Variants in TSGA10 observed in about 807,000 individuals in gnomAD.
TSGA10 encodes the protein testis specific 10, also known as testis-specific gene 10 protein.
TSGA10 carries 43 observed loss-of-function variants against 96.6 expected under a neutral mutation model. That is an observed-to-expected ratio of 0.44 (90% CI 0.35 to 0.57). The LOEUF is 0.57. Ranked by LOEUF, TSGA10 falls within the 20% of genes least tolerant of loss-of-function variation. The pLI is 0.01. For missense variants in TSGA10, 703 were observed against 834.4 expected (o/e 0.84, Z 1.94); for synonymous variants, 229 against 269.9 (o/e 0.85, Z 1.48).
At chr2:99,106,889 CAG>C (rs1405255670) in intron 7 of TSGA10, among the ~76,000 whole-genome samples, 11 of 152,198 alleles carry the variant, frequency 7.2e-5, no homozygotes, top group Non-Finnish European at 1.3e-4. Context: ...TTTTCTCATT[CAG>C]AGACTTCATC....
intron 13 of TSGA10, 50 bp downstream of exon 13, chr2:99,072,968 T>C: frequency 7.7e-7 from 1 of 1,299,358 alleles, no homozygotes; most frequent in Non-Finnish European, 1.1e-6. Context: ...CCTAACATGG[T>C]ACTTGGCCCC....
At chr2:99,112,785 G>A (rs1296646212) in intron 4 of TSGA10, among the ~76,000 whole-genome samples, 1 of 150,120 alleles carries the variant, frequency 6.7e-6, no homozygotes. Flanking sequence ...GGGAGTGTGT[G>A]CAGGGAATGT....
intron 10 of TSGA10, among the ~76,000 whole-genome samples, chr2:99,082,864 A>G (rs1055420641): frequency 1.3e-5 from 2 of 152,160 alleles, no homozygotes; most frequent in Non-Finnish European, 2.9e-5. Flanking sequence ...GAAAAAAATA[A>G]TCAACAAATT....
chr2:99,129,434 C>T (rs1023770645), intron 1 of TSGA10, among the ~76,000 whole-genome samples: 2 of 152,210 alleles, frequency 1.3e-5, no homozygotes, highest in Non-Finnish European at 1.5e-5. Flanking sequence ...TTTGGTAAAC[C>T]GAATAAAGTG....
At chr2:99,119,565 A>C (rs1248531727) in intron 2 of TSGA10, among the ~76,000 whole-genome samples, 5 of 152,128 alleles carry the variant, frequency 3.3e-5, no homozygotes, top group African/African-American at 1.2e-4. Flanking sequence ...TTATCAAAGA[A>C]CCCTCCTTAT....
At chr2:99,099,460 ATATT>A (rs1220324977) in intron 10 of TSGA10, among the ~76,000 whole-genome samples, 1 of 152,256 alleles carries the variant, frequency 6.6e-6, no homozygotes, top group Admixed American at 6.5e-5. Flanking sequence ...TGACCAATCT[ATATT>A]TATTCTACCC....
intron 2 of TSGA10, 73 bp downstream of exon 2, chr2:99,126,975 C>T (rs527995177): frequency 9.1e-6 from 11 of 1,215,226 alleles, no homozygotes; most frequent in East Asian, 5.7e-5. Context: ...GTTATTTATT[C>T]TCTATCTTCT....
intron 20 of TSGA10, among the ~76,000 whole-genome samples, chr2:99,006,455 A>C (rs1348827546): frequency 1.3e-5 from 2 of 152,216 alleles, no homozygotes; most frequent in East Asian, 3.8e-4. Context: ...AAGAAAAAAA[A>C]CAAACAACCC....
In TSGA10 at chr2:99,130,476, G is replaced by GT. The variant is rs1169201651; in HGVS notation, c.-620-3301dup. 2.0e-5 allele frequency among the ~76,000 whole-genome samples: 3 copies of GT among 152,176 alleles called. No individual in the cohort carries two copies. The East Asian group carries it at 5.8e-4, about 29-fold the overall frequency. ...TGCCCACTTTTTGATGGGGTCGTCT[G>GT]TTTTTTTCTTGTAAATTTGTTTAAG... is the stretch of plus-strand genomic sequence containing the variant. On this transcript the variant is annotated intron_variant, in intron 1 of 20. Coordinates refer to ENST00000393483, the MANE Select transcript of TSGA10 (RefSeq NM_025244.4).
intron 10 of TSGA10, among the ~76,000 whole-genome samples, chr2:99,095,142 C>G (rs2089891202): frequency 6.6e-6 from 1 of 152,150 alleles, no homozygotes; most frequent in Non-Finnish European, 1.5e-5. Context: ...GGAAGTAACT[C>G]AGGAATGGAA....
chr2:99,023,571 T>TA (rs1387671413), intron 17 of TSGA10, among the ~76,000 whole-genome samples: 1 of 152,208 alleles, frequency 6.6e-6, no homozygotes, highest in African/African-American at 2.4e-5. Context: ...CATTTTCAGT[T>TA]AATCTTTGCA....
chr2:99,020,888 C>G (rs564226447), intron 17 of TSGA10, among the ~76,000 whole-genome samples: 1 of 150,602 alleles, frequency 6.6e-6, no homozygotes, highest in Non-Finnish European at 1.5e-5. Context: ...GGAGTAATCT[C>G]TTATATTCTT....
chr2:99,020,217 T>A (rs2104950450), intron 18 of TSGA10, 63 bp downstream of exon 18: 1 of 1,423,918 alleles, frequency 7.0e-7, no homozygotes, highest in Non-Finnish European at 9.7e-7. Context: ...TAGCTTAAAA[T>A]TTCTACTAAA....
chr2:99,047,779 T>C (rs1324514967), intron 16 of TSGA10, among the ~76,000 whole-genome samples: 1 of 152,188 alleles, frequency 6.6e-6, no homozygotes, highest in Non-Finnish European at 1.5e-5. Flanking sequence ...GGAAGTCAAA[T>C]TGTCCCTGTT....
intron 14 of TSGA10, 42 bp downstream of exon 14, chr2:99,071,664 A>ATT: frequency 2.0e-6 from 3 of 1,533,840 alleles, no homozygotes; most frequent in Admixed American, 1.9e-5. Flanking sequence ...AGAAATTCAT[A>ATT]TTTTTTTTTC....
rs1043225988 is a variant in TSGA10, at chr2:99,037,586, C to T, written c.1405-2147G>A. ...TAACCTGGCCGGGTGTGGTGGCTCA[C>T]GTCTGTAATCCTAGCACTTTGGGAG... On this transcript the variant is annotated intron_variant, in intron 16 of 20. Transcript: ENST00000393483. Among the ~76,000 whole-genome samples the T allele has an allele frequency of 2.0e-5, 3 of 152,080 alleles. No individual in the cohort carries two copies. In the South Asian group the frequency reaches 6.2e-4, roughly 31 times the overall value.
chr2:99,074,337 T>C (rs879035927), intron 12 of TSGA10, among the ~76,000 whole-genome samples: 1 of 140,670 alleles, frequency 7.1e-6, no homozygotes, highest in South Asian at 2.2e-4. Context: ...TAGCGTTAGT[T>C]TTACACATAT....
intron 12 of TSGA10, among the ~76,000 whole-genome samples, chr2:99,074,287 T>C (rs1470604971): frequency 6.6e-6 from 1 of 152,002 alleles, no homozygotes; most frequent in Admixed American, 6.5e-5. Context: ...GTGCTGGGAT[T>C]ACAGGCGTAA....
intron 16 of TSGA10, among the ~76,000 whole-genome samples, chr2:99,058,635 C>T (rs2084273954): frequency 6.6e-6 from 1 of 151,906 alleles, no homozygotes; most frequent in Non-Finnish European, 1.5e-5. Context: ...AACAAGAATG[C>T]AAAAAGGAAT....
Sources: gnomAD v4.1 joint callset for allele counts (sites outside exome capture counted in the v4.1 genomes callset) on GRCh38, gnomAD v4.1.1 for gene constraint, MANE v1.5 for transcripts, NCBI Gene and HGNC (gene_info 2026-07-23, HGNC 2026-07-21) for gene names.